Variants in PAWR observed in about 807,000 individuals in gnomAD.
PAWR encodes PRKC apoptosis WT1 regulator protein.
PAWR carries 23 observed loss-of-function variants against 32.0 expected under a neutral mutation model. That is an observed-to-expected ratio of 0.72 (90% CI 0.52 to 1.02). The LOEUF is 1.02. Among genes scored for constraint, PAWR ranks in the 50% least tolerant of loss-of-function variants. PAWR has a pLI of 0.00. For synonymous variants in PAWR, 226 were observed against 187.1 expected (o/e 1.21, Z -1.70); for missense variants, 457 against 437.7 (o/e 1.04, Z -0.39).
rs369964517 is a variant in PAWR at position 79,657,386 on chromosome 12, AG to A, written c.516+32342del. ...TGAATTGCACACTGCAAAAAAATGC[AG>A]TTTACTGTAGGTCACCTACACTTCA... On this transcript the variant is annotated intron_variant, in intron 2 of 6. Coordinates refer to ENST00000328827, the MANE Select transcript of PAWR (RefSeq NM_002583.4). 1.2e-4 allele frequency among the ~76,000 whole-genome samples: 18 copies of A among 152,116 alleles called. 1 individual carries two copies. Among genetic ancestry groups the A allele is most frequent in the African/African-American group, 4.3e-4 (18 of 41,498 alleles).
chr12:79,629,603 A>G (rs957374003), intron 2 of PAWR, among the ~76,000 whole-genome samples: 2 of 152,176 alleles, frequency 1.3e-5, no homozygotes, highest in African/African-American at 4.8e-5. Context: ...ATATAAAAAA[A>G]AAAACTTCAA....
intron 2 of PAWR, among the ~76,000 whole-genome samples, chr12:79,686,939 G>A (rs773005912): frequency 6.6e-5 from 10 of 152,010 alleles, no homozygotes; most frequent in Non-Finnish European, 7.4e-5. Flanking sequence ...ATACACTGCC[G>A]TGTTCTTATT....
At chr12:79,605,977 G>A (rs1297493954) in intron 4 of PAWR, among the ~76,000 whole-genome samples, 1 of 152,120 alleles carries the variant, frequency 6.6e-6, no homozygotes, top group East Asian at 1.9e-4. Context: ...GGGAGGCTGA[G>A]GGACAAGAAT....
At chr12:79,665,197 AC>A (rs1375426874) in intron 2 of PAWR, among the ~76,000 whole-genome samples, 1 of 152,198 alleles carries the variant, frequency 6.6e-6, no homozygotes, top group Non-Finnish European at 1.5e-5. Flanking sequence ...AGTTCCATTT[AC>A]TTTTCTTATA....
At chr12:79,625,261 G>A (rs1317854017) in intron 2 of PAWR, among the ~76,000 whole-genome samples, 2 of 151,992 alleles carry the variant, frequency 1.3e-5, no homozygotes, top group East Asian at 1.9e-4. Context: ...AAAGTGACCT[G>A]TGAGACAGTA....
chr12:79,593,733 A>C, intron 6 of PAWR, among the ~76,000 whole-genome samples: 1 of 134,812 alleles, frequency 7.4e-6, no homozygotes, highest in Admixed American at 7.7e-5. Flanking sequence ...ACAGAGTCTT[A>C]CTCTTGCTGC....
chr12:79,688,668 T>C (rs946637232), intron 2 of PAWR, among the ~76,000 whole-genome samples: 3 of 152,164 alleles, frequency 2.0e-5, no homozygotes, highest in African/African-American at 7.2e-5. Flanking sequence ...ATGGAAATCA[T>C]AATACTAAAA....
At chr12:79,682,421 A>C (rs1002412348) in intron 2 of PAWR, among the ~76,000 whole-genome samples, 1 of 152,216 alleles carries the variant, frequency 6.6e-6, no homozygotes, top group African/African-American at 2.4e-5. Flanking sequence ...GCAAAACCTA[A>C]CAAAATATTA....
At position 79,667,576 on chromosome 12, in the gene PAWR, T is replaced by C. The variant is rs114433649; in HGVS notation, c.516+22153A>G. 4.9e-3 allele frequency among the ~76,000 whole-genome samples: 739 copies of C among 152,312 alleles called. 7 individuals carry two copies. The highest frequency in any genetic ancestry group is 0.017 in the African/African-American group (702 of 41,568). Reference sequence around the variant, plus strand: ...AGACATTGCAAGCAACTATAATGTATAGATCTTATTTGGACAAAATATAAA... The same window carrying C: ...AGACATTGCAAGCAACTATAATGTACAGATCTTATTTGGACAAAATATAAA... On this transcript the variant is annotated intron_variant, in intron 2 of 6. Coordinates refer to ENST00000328827, the MANE Select transcript of PAWR (RefSeq NM_002583.4).
Position 79,632,310 on chromosome 12 carries a change from TAC to T in PAWR, c.517-11105_517-11104del, listed in dbSNP as rs1177589313. 69 of 13,136 alleles carry T rather than the reference TAC, an allele frequency of 5.3e-3. 5 individuals are homozygous for T. Among genetic ancestry groups the T allele is most frequent in the African/African-American group, 0.033 (54 of 1,640 alleles). The allele number at this position is 13,136 out of a possible 1,614,324, so 0.8% of individuals were successfully genotyped here. ...AGAAATATATACATATATATATACA[TAC>T]ATATATATATATATATATATATATA... On this transcript the variant is annotated intron_variant, in intron 2 of 6. Transcript: ENST00000328827.
chr12:79,608,563 G>A (rs958533905), intron 4 of PAWR, among the ~76,000 whole-genome samples: 3 of 152,192 alleles, frequency 2.0e-5, no homozygotes, highest in African/African-American at 4.8e-5. Context: ...CACACCCTGA[G>A]GGGTGGGGAC....
intron 3 of PAWR, among the ~76,000 whole-genome samples, chr12:79,617,491 G>T (rs1874795629): frequency 6.6e-6 from 1 of 152,130 alleles, no homozygotes; most frequent in South Asian, 2.1e-4. Context: ...GGAGTTTAAA[G>T]TGATTTCTAT....
intron 2 of PAWR, among the ~76,000 whole-genome samples, chr12:79,625,375 T>C (rs566997864): frequency 1.2e-3 from 188 of 152,164 alleles, no homozygotes; most frequent in African/African-American, 4.2e-3. Context: ...TTTATCCAAA[T>C]TTGATGAAAA....
At chr12:79,622,518 T>C (rs1875074931) in intron 2 of PAWR, among the ~76,000 whole-genome samples, 2 of 152,152 alleles carry the variant, frequency 1.3e-5, no homozygotes, top group South Asian at 4.1e-4. Flanking sequence ...CCAAGTGTTC[T>C]CATTGTTCAA....
At chr12:79,658,321 A>C (rs1311722821) in intron 2 of PAWR, among the ~76,000 whole-genome samples, 1 of 152,192 alleles carries the variant, frequency 6.6e-6, no homozygotes, top group Admixed American at 6.5e-5. Flanking sequence ...CATACAACCC[A>C]TTAAGGATAA....
At chr12:79,653,640 A>C (rs1238078685) in intron 2 of PAWR, among the ~76,000 whole-genome samples, 1 of 151,958 alleles carries the variant, frequency 6.6e-6, no homozygotes, top group Non-Finnish European at 1.5e-5. Flanking sequence ...CCACCACGCC[A>C]GGCTAATTTT....
At chr12:79,667,556 T>C (rs945765430) in intron 2 of PAWR, among the ~76,000 whole-genome samples, 5 of 152,126 alleles carry the variant, frequency 3.3e-5, no homozygotes, top group Admixed American at 6.5e-5. Flanking sequence ...TTAAGAGACA[T>C]TGCAAGCAAC....
chr12:79,648,689 AGAGGTG>A (rs1876695784), intron 2 of PAWR, among the ~76,000 whole-genome samples: 1 of 150,846 alleles, frequency 6.6e-6, no homozygotes, highest in South Asian at 2.1e-4. Flanking sequence ...CCAGGGAGGC[AGAGGTG>A]GGAGGGTCAC....
At chr12:79,645,652 T>A (rs11114202) in intron 2 of PAWR, among the ~76,000 whole-genome samples, 1,644 of 152,286 alleles carry the variant, frequency 0.011, 42 homozygotes, top group African/African-American at 0.038. Context: ...TAACAGTACT[T>A]AGGAAAAACA....
Sources: allele counts gnomAD v4.1 joint callset (sites outside exome capture counted in the v4.1 genomes callset), GRCh38; gene constraint gnomAD v4.1.1; transcripts MANE v1.5; gene names NCBI Gene and HGNC (gene_info 2026-07-23, HGNC 2026-07-21).